The following TRMT10A variants were observed in gnomAD, a reference collection of about 807,000 sequenced individuals.
The protein encoded by TRMT10A is tRNA methyltransferase 10 homolog A.
TRMT10A carries 37 observed loss-of-function variants against 40.4 expected under a neutral mutation model. That is an observed-to-expected ratio of 0.92 (90% CI 0.71 to 1.21). TRMT10A has a LOEUF of 1.21. Among genes scored for constraint, TRMT10A ranks in the 50% most tolerant of loss-of-function variants. The pLI, the probability that TRMT10A is intolerant of heterozygous loss-of-function variation, is 0.00. For synonymous variants in TRMT10A, 103 were observed against 134.1 expected (o/e 0.77, Z 1.60); for missense variants, 388 against 404.3 (o/e 0.96, Z 0.35).
At chr4:99,563,883 G>A (rs976287043) in intron 1 of TRMT10A, 30 bp downstream of exon 1, 2 of 710,052 alleles carry the variant, frequency 2.8e-6, no homozygotes, top group African/African-American at 1.7e-5. Flanking sequence ...CATAGTGCGG[G>A]GGAGCGCCAA....
intron 1 of TRMT10A, among the ~76,000 whole-genome samples, chr4:99,560,988 T>C (rs964338274): frequency 4.0e-5 from 6 of 151,174 alleles, no homozygotes; most frequent in Non-Finnish European, 5.9e-5. Flanking sequence ...TCTTGCTCTG[T>C]CACCCAGGCT....
intron 5 of TRMT10A, among the ~76,000 whole-genome samples, chr4:99,555,501 T>A (rs1185184263): frequency 6.6e-6 from 1 of 152,220 alleles, no homozygotes; most frequent in Non-Finnish European, 1.5e-5. Context: ...CATAGGCAAT[T>A]TTAAATATTC....
At chr4:99,563,542 T>C (rs1334966145) in intron 1 of TRMT10A, 1 of 232,696 alleles carries the variant, frequency 4.3e-6, no homozygotes, top group African/African-American at 2.3e-5. Context: ...TTCCCACTGA[T>C]TCTTTGCAAA....
chr4:99,553,990 T>C, intron 5 of TRMT10A, 56 bp from the exon 6 acceptor site: 1 of 1,532,734 alleles, frequency 6.5e-7, no homozygotes, highest in Non-Finnish European at 8.8e-7. Context: ...GAAAGTTGGC[T>C]AAAAATGATT....
chr4:99,561,457 C>G (rs766826550), intron 1 of TRMT10A, among the ~76,000 whole-genome samples: 16 of 151,574 alleles, frequency 1.1e-4, no homozygotes, highest in Non-Finnish European at 1.9e-4. Flanking sequence ...TCATCATCAT[C>G]TTTTTAAAAA....
intron 6 of TRMT10A, among the ~76,000 whole-genome samples, chr4:99,552,105 G>A (rs1336120476): frequency 6.6e-6 from 1 of 152,066 alleles, no homozygotes; most frequent in Non-Finnish European, 1.5e-5. Flanking sequence ...AAAAGTTACA[G>A]TAAGCTAAGG....
At chr4:99,562,839 G>C (rs1724492254) in intron 1 of TRMT10A, among the ~76,000 whole-genome samples, 1 of 137,804 alleles carries the variant, frequency 7.3e-6, no homozygotes, top group Non-Finnish European at 1.6e-5. Context: ...TTGTTTGTTT[G>C]AGACGGAGTT....
chr4:99,558,340 TCAAA>T, intron 2 of TRMT10A, 129 bp from the exon 3 acceptor site: 8 of 816,792 alleles, frequency 9.8e-6, no homozygotes, highest in African/African-American at 1.8e-5. Flanking sequence ...CTGTGACCAT[TCAAA>T]AATGGTCAAG....
At chr4:99,557,919 A>G in intron 3 of TRMT10A, 130 bp downstream of exon 3, 1 of 836,464 alleles carries the variant, frequency 1.2e-6, no homozygotes, top group Non-Finnish European at 1.8e-6. Context: ...AATTTAACTT[A>G]GGGGAAAGTT....
chr4:99,554,722 C>CAAAAAAAAAAAAAAAAAAAAA (rs532448105), intron 5 of TRMT10A, among the ~76,000 whole-genome samples: 21 of 90,768 alleles, frequency 2.3e-4, no homozygotes, highest in Non-Finnish European at 3.5e-4. Context: ...GACTACGTTT[C>CAAAAAAAAAAAAAAAAAAAAA]AAAAAAAAAA....
intron 5 of TRMT10A, among the ~76,000 whole-genome samples, chr4:99,555,561 T>C (rs949812462): frequency 6.6e-6 from 1 of 152,208 alleles, no homozygotes; most frequent in Non-Finnish European, 1.5e-5. Context: ...ATTTTAACAA[T>C]TTATTTTATT....
chr4:99,550,772 C>T (rs981806962), intron 7 of TRMT10A, 113 bp downstream of exon 7: 5 of 703,348 alleles, frequency 7.1e-6, no homozygotes, highest in Non-Finnish European at 1.2e-5. Flanking sequence ...TTACTTTTTA[C>T]AATTTTGTCT....
rs1206596244 is a variant in TRMT10A, at chr4:99,548,726, A to C, written c.*362T>G. 6.0e-6 allele frequency: 1 copy of C among 167,670 alleles called. No homozygotes were observed. The highest frequency in any genetic ancestry group is 1.3e-5 in the Non-Finnish European group (1 of 78,492). The allele number at this position is 167,670 out of a possible 1,614,324, so 10.4% of individuals were successfully genotyped here. A position where few individuals can be genotyped will look rare whatever the true frequency, so the allele number is the denominator to read the frequency against. On this transcript the variant is annotated 3_prime_UTR_variant, in exon 8 of 8. Coordinates refer to ENST00000394876, the MANE Select transcript of TRMT10A (RefSeq NM_001134665.3). ...CAGATATATAGGCAATAGATCATAA[A>C]GATGTTGATGTGACTATAAAATTAA...
chr4:99,563,791 A>G (rs1038205404), intron 1 of TRMT10A, 122 bp downstream of exon 1: 2 of 555,788 alleles, frequency 3.6e-6, no homozygotes, highest in African/African-American at 3.7e-5. Flanking sequence ...CCACTTCCAC[A>G]CCACTGCTCC....
At chr4:99,557,929 T>C in intron 3 of TRMT10A, 120 bp downstream of exon 3, 2 of 1,015,988 alleles carry the variant, frequency 2.0e-6, no homozygotes, top group African/African-American at 1.7e-5. Context: ...AGGGGAAAGT[T>C]TGAAAAACTG....
At position 99,557,849 on chromosome 4, in the gene TRMT10A, C is replaced by A. The variant is rs950835460; in HGVS notation, c.348+200G>T. The stretch of plus-strand genomic sequence containing the variant: ...TTTCCTGTCTGCACACATACTGACA[C>A]ACACACATACACACATATATAAATA... On this transcript the variant is annotated intron_variant, in intron 3 of 7. Coordinates refer to ENST00000394876, the MANE Select transcript of TRMT10A (RefSeq NM_001134665.3). 3 of 516,786 alleles carry A rather than the reference C, an allele frequency of 5.8e-6. No individual in the cohort carries two copies. The African/African-American group carries it at 6.0e-5, about 10-fold the overall frequency. 32.0% of individuals were successfully genotyped at this position (516,786 alleles called of 1,614,324 possible).
rs67816425 is a variant in TRMT10A at position 99,562,515 on chromosome 4, C to CTTTTTTTT, written c.-24+1390_-24+1397dup. Among the ~76,000 whole-genome samples the CTTTTTTTT allele has an allele frequency of 1.3e-4, 10 of 76,662 alleles. 1 individual carries two copies. Among genetic ancestry groups the CTTTTTTTT allele is most frequent in the African/African-American group, 3.0e-4 (5 of 16,828 alleles). The allele number at this position is 76,662 out of a possible 152,430, so 50.3% of individuals were successfully genotyped here. A position where few individuals can be genotyped will look rare whatever the true frequency, so the allele number is the denominator to read the frequency against. On this transcript the variant is annotated intron_variant, in intron 1 of 7. Transcript: ENST00000394876. ...CTTGACAGCGATAGCAAAGGAATGC[C>CTTTTTTTT]TTTTTTTTTTTTTTTTTTTTTTTTT...
intron 5 of TRMT10A, among the ~76,000 whole-genome samples, chr4:99,555,199 A>C (rs1219802909): frequency 6.6e-6 from 1 of 152,198 alleles, no homozygotes; most frequent in Non-Finnish European, 1.5e-5. Flanking sequence ...AATGGGCACA[A>C]ATACAGGATT....
chr4:99,558,980 T>A (rs1307223649), intron 2 of TRMT10A, among the ~76,000 whole-genome samples, 174 bp downstream of exon 2: 1 of 152,164 alleles, frequency 6.6e-6, no homozygotes, highest in African/African-American at 2.4e-5. Flanking sequence ...TAGCTAACAA[T>A]ATACGTTGTT....
Sources: allele counts gnomAD v4.1 joint callset (sites outside exome capture counted in the v4.1 genomes callset), GRCh38; gene constraint gnomAD v4.1.1; transcripts MANE v1.5; gene names NCBI Gene and HGNC (gene_info 2026-07-23, HGNC 2026-07-21).